The following ANK3 variants were observed in gnomAD, a reference collection of about 807,000 sequenced individuals.
ANK3 encodes the protein ankyrin 3.
ANK3 carries 57 observed loss-of-function variants against 370.9 expected under a neutral mutation model. The observed-to-expected ratio is 0.15, with a 90% confidence interval of 0.12 to 0.19. The LOEUF (loss-of-function observed/expected upper bound fraction) is 0.19, where lower values mean the gene tolerates loss of function less well. Among genes scored for constraint, ANK3 ranks in the 10% least tolerant of loss-of-function variants. The pLI is 1.00. For synonymous variants in ANK3, 1,929 were observed against 1,946.3 expected (o/e 0.99, Z 0.23); for missense variants, 4,439 against 5,302.1 (o/e 0.84, Z 5.06).
chr10:60,430,009 T>C (rs1452655193), intron 2 of ANK3, among the ~76,000 whole-genome samples: 1 of 152,248 alleles, frequency 6.6e-6, no homozygotes, highest in Non-Finnish European at 1.5e-5. Context: ...CCTATGTGGA[T>C]GCAGATATGC....
chr10:60,555,240 G>A (rs1372758925), intron 2 of ANK3, among the ~76,000 whole-genome samples: 2 of 152,166 alleles, frequency 1.3e-5, no homozygotes, highest in African/African-American at 4.8e-5. Context: ...GGGAGGCTGA[G>A]GCAGGAAGAT....
At position 60,068,751 on chromosome 10, in the gene ANK3, C is replaced by G. The variant is rs777870972; in HGVS notation, c.12130G>C (p.Gly4044Arg). Residue 4044 changes from glycine to arginine, a missense_variant, in exon 37 of 44, where the codon GGT becomes CGT. Coordinates refer to ENST00000280772, the MANE Select transcript of ANK3 (RefSeq NM_020987.5). ...TTCGTTGTAACCGAAGGCTGGCCAC[C>G]CCGGGAAGTCTCGGACAACGACGTG... ...RNTSLSETSR[G>R]GQPSVTTKSA... 6.2e-7 allele frequency: 1 copy of G among 1,614,042 alleles called. No individual in the cohort carries two copies. The highest frequency in any genetic ancestry group is 1.1e-5 in the South Asian group (1 of 91,094).
At chr10:60,294,693 A>C (rs979451900) in intron 1 of ANK3, among the ~76,000 whole-genome samples, 2 of 152,342 alleles carry the variant, frequency 1.3e-5, no homozygotes, top group African/African-American at 4.8e-5. Context: ...TATTTTTAAA[A>C]ACAAGGTTAG....
At chr10:60,465,776 C>CTTTT (rs1002378251) in intron 2 of ANK3, among the ~76,000 whole-genome samples, 1 of 132,884 alleles carries the variant, frequency 7.5e-6, no homozygotes, top group South Asian at 2.4e-4. Context: ...TTTTCTTTTT[C>CTTTT]TTTTTTTTCT....
intron 2 of ANK3, among the ~76,000 whole-genome samples, chr10:60,416,602 GA>G (rs2063673957): frequency 2.6e-5 from 4 of 152,128 alleles, no homozygotes; most frequent in African/African-American, 9.7e-5. Flanking sequence ...TGGAATGATG[GA>G]AAAGTTCTAC....
intron 1 of ANK3, among the ~76,000 whole-genome samples, chr10:60,344,705 A>AT (rs1183164148): frequency 4.6e-5 from 7 of 152,218 alleles, no homozygotes; most frequent in Non-Finnish European, 1.0e-4. Flanking sequence ...CAAGAACAAG[A>AT]TTTCATTAGA....
Position 60,056,023 on chromosome 10 carries a change from T to C in ANK3, c.12700A>G (p.Arg4234Gly). The C allele has an allele frequency of 6.2e-7, 1 of 1,611,954 alleles. No individual in the cohort carries two copies. The highest frequency in any genetic ancestry group is 8.5e-7 in the Non-Finnish European group (1 of 1,179,416). ...TTGAGATATGAGGTAATGGAATCTC[T>C]ACACTGGTCAGGGCTGCAACAGAAA... The part of the protein sequence containing the change: ...DRLDDSPDQC[R>G]DSITSYLKGE... The change falls in exon 42 of 44, where the codon AGA becomes GGA. Residue 4234 changes from arginine to glycine, a missense_variant. Arg to Gly is a moderately radical substitution (Grantham distance 125). Around this residue, in one of 13 missense-constraint regions of ANK3, gnomAD observed 242 missense variants for 228.0 expected, o/e 1.06. Transcript: ENST00000280772.
chr10:60,029,869 C>CTT (rs1564489978), intron 43 of ANK3, 43 bp from the exon 44 acceptor site: 6 of 39,378 alleles, frequency 1.5e-4, no homozygotes, highest in Non-Finnish European at 1.9e-4. Flanking sequence ...CTTTCTTTTT[C>CTT]TTTTTCTTTT....
chr10:60,039,806 C>T (rs72818457), intron 43 of ANK3, among the ~76,000 whole-genome samples: 12,409 of 152,132 alleles, frequency 0.082, 659 homozygotes, highest in Non-Finnish European at 0.12. Context: ...GTGCCTGCCA[C>T]ATAGCAATCA....
chr10:60,376,939 G>T (rs2060864865), intron 1 of ANK3, among the ~76,000 whole-genome samples: 1 of 152,208 alleles, frequency 6.6e-6, no homozygotes, highest in African/African-American at 2.4e-5. Flanking sequence ...AGATGGCAAA[G>T]AATGGCTCCA....
At chr10:60,477,516 T>TAC (rs761752696) in intron 2 of ANK3, among the ~76,000 whole-genome samples, 7,669 of 122,530 alleles carry the variant, frequency 0.063, 266 homozygotes, top group Middle Eastern at 0.088. Flanking sequence ...CAGACAGACA[T>TAC]ACACACACAC....
At chr10:60,435,902 G>GGCTAAAA (rs2064143314) in intron 2 of ANK3, among the ~76,000 whole-genome samples, 1 of 151,912 alleles carries the variant, frequency 6.6e-6, no homozygotes, top group African/African-American at 2.4e-5. Flanking sequence ...GATCGAGACC[G>GGCTAAAA]CGGTGAAACC....
At chr10:60,704,809 G>C (rs1317748436) in intron 1 of ANK3, among the ~76,000 whole-genome samples, 3 of 152,148 alleles carry the variant, frequency 2.0e-5, no homozygotes, top group Non-Finnish European at 4.4e-5. Flanking sequence ...ATTACAACAT[G>C]TTTTATTAAT....
chr10:60,439,201 C>G (rs959414664), intron 2 of ANK3, among the ~76,000 whole-genome samples: 1 of 152,064 alleles, frequency 6.6e-6, no homozygotes, highest in South Asian at 2.1e-4. Flanking sequence ...AGACCTTAGC[C>G]ACTGAGTAAG....
chr10:60,297,309 A>G (rs1329653846), intron 1 of ANK3, among the ~76,000 whole-genome samples: 4 of 152,172 alleles, frequency 2.6e-5, no homozygotes, highest in African/African-American at 7.2e-5. Flanking sequence ...GCGATCATGA[A>G]TATCTACAAA....
chr10:60,669,598 C>G (rs1345806366), intron 1 of ANK3, among the ~76,000 whole-genome samples: 1 of 152,156 alleles, frequency 6.6e-6, no homozygotes, highest in African/African-American at 2.4e-5. Context: ...CTGACCATAT[C>G]TTAGCCTCCT....
chr10:60,659,457 T>C (rs2078908620), intron 1 of ANK3, among the ~76,000 whole-genome samples: 1 of 152,146 alleles, frequency 6.6e-6, no homozygotes, highest in African/African-American at 2.4e-5. Flanking sequence ...ATTATTACTT[T>C]ATTCTATTTT....
intron 16 of ANK3, among the ~76,000 whole-genome samples, chr10:60,187,971 C>G (rs187194133): frequency 2.4e-3 from 365 of 152,274 alleles, no homozygotes; most frequent in Non-Finnish European, 3.6e-3. Context: ...ACCCCTACCC[C>G]CAACCCTGAC....
At position 60,441,749 on chromosome 10, in the gene ANK3, C is replaced by T. The variant is rs12262561; in HGVS notation, c.97-162110G>A. The stretch of plus-strand genomic sequence containing the variant: ...GTTCATACAAGTACATAAATTTCAG[C>T]GAAGCACCAGACACCTAGATTTTTA... On this transcript the variant is annotated intron_variant, in intron 2 of 43. Transcript: ENST00000373827. Among the ~76,000 whole-genome samples the T allele has an allele frequency of 7.6e-3, 1,163 of 152,246 alleles. 18 individuals are homozygous for T. Among genetic ancestry groups the T allele is most frequent in the African/African-American group, 0.025 (1,023 of 41,542 alleles).
Sources: gnomAD v4.1 joint callset for allele counts (sites outside exome capture counted in the v4.1 genomes callset) on GRCh38, gnomAD v4.1.1 for gene constraint, gnomAD v4.1.1 regional missense constraint, MANE v1.5 for transcripts, NCBI Gene and HGNC (gene_info 2026-07-23, HGNC 2026-07-21) for gene names.